CPA3: variants seen among roughly 807,000 people sequenced by gnomAD.
CPA3 encodes carboxypeptidase A3, also known as mast cell carboxypeptidase A.
Under a neutral mutation model 55.8 loss-of-function variants are expected in CPA3, and 52 were observed. The observed-to-expected ratio is 0.93, with a 90% CI of 0.75 to 1.17. The LOEUF (loss-of-function observed/expected upper bound fraction) is 1.17. CPA3 is among the 50% of genes most tolerant of loss of function. The pLI, the probability that CPA3 is intolerant of heterozygous loss-of-function variation, is 0.00. For synonymous variants in CPA3, 179 were observed against 171.2 expected (o/e 1.05, Z -0.36); for missense variants, 547 against 509.1 (o/e 1.07, Z -0.72).
chr3:148,880,024 C>T (rs562262546), intron 6 of CPA3, 135 bp downstream of exon 6: 8 of 574,122 alleles, frequency 1.4e-5, no homozygotes, highest in African/African-American at 5.7e-5. Context: ...AGGGAAGAAA[C>T]GCTCTGAATT....
chr3:148,894,158 T>A (rs1214302917), intron 10 of CPA3, among the ~76,000 whole-genome samples: 1 of 152,152 alleles, frequency 6.6e-6, no homozygotes, highest in African/African-American at 2.4e-5. Flanking sequence ...GAATCAAAAA[T>A]TGTAAGTCTG....
chr3:148,870,129 T>C (rs2108029138), intron 3 of CPA3: 1 of 152,180 alleles, frequency 6.6e-6, no homozygotes, highest in South Asian at 2.1e-4. Flanking sequence ...AAATGTGTTT[T>C]TATACTTTCA....
At chr3:148,866,971 G>T (rs1307235754) in intron 2 of CPA3, among the ~76,000 whole-genome samples, 1 of 152,060 alleles carries the variant, frequency 6.6e-6, no homozygotes, top group Non-Finnish European at 1.5e-5. Context: ...TGCCCAGCTG[G>T]TCTCAAACTC....
intron 7 of CPA3, 43 bp downstream of exon 7, chr3:148,881,675 C>T: frequency 1.5e-6 from 2 of 1,328,992 alleles, no homozygotes; most frequent in Non-Finnish European, 2.1e-6. Flanking sequence ...ATATTATTTG[C>T]TGGCTTTAAT....
At chr3:148,894,296 C>T (rs993900433) in intron 10 of CPA3, among the ~76,000 whole-genome samples, 6 of 151,926 alleles carry the variant, frequency 3.9e-5, no homozygotes, top group Non-Finnish European at 8.8e-5. Context: ...AATGTCAATA[C>T]CATTAGACTG....
At chr3:148,883,578 C>A (rs769218568) in intron 8 of CPA3, 35 bp from the exon 9 acceptor site, 1 of 1,528,344 alleles carries the variant, frequency 6.5e-7, no homozygotes, top group Non-Finnish European at 9.1e-7. Context: ...GGATGGGGAG[C>A]AGACTGTGGT....
chr3:148,865,629 G>A, intron 2 of CPA3, 81 bp downstream of exon 2: 1 of 1,242,140 alleles, frequency 8.1e-7, no homozygotes, highest in African/African-American at 1.5e-5. Flanking sequence ...CAATGCCCAT[G>A]GGACTACAAA....
In CPA3 at chr3:148,865,521, C is replaced by A; in HGVS notation, c.117C>A (p.Ile39=). The A allele has an allele frequency of 6.2e-7, 1 of 1,613,952 alleles. No homozygotes were observed. Among genetic ancestry groups the A allele is most frequent in the Middle Eastern group, 1.6e-4 (1 of 6,062 alleles). The stretch of plus-strand genomic sequence containing the variant: ...CCCAGGATGAAAAACAAGCAGACAT[C>A]ATAAAGGACTTGGCCAAAACCAATG... ...VKPQDEKQAD[I]IKDLAKTNEL... Residue 39 remains isoleucine, a synonymous_variant, in exon 2 of 11, where the codon ATC becomes ATA. Coordinates refer to ENST00000296046, the MANE Select transcript of CPA3 (RefSeq NM_001870.4).
intron 5 of CPA3, among the ~76,000 whole-genome samples, chr3:148,879,043 T>C (rs13061278): frequency 0.64 from 97,606 of 151,970 alleles, 31,595 homozygotes; most frequent in Middle Eastern, 0.69. Context: ...AAAACCCTCA[T>C]CCCTTAAAAT....
chr3:148,883,795 C>A lies in CPA3; in HGVS notation c.961C>A (p.Pro321Thr). The A allele has an allele frequency of 6.2e-7, 1 of 1,613,822 alleles. No individual in the cohort carries two copies. Among genetic ancestry groups the A allele is most frequent in the Non-Finnish European group, 8.5e-7 (1 of 1,179,730 alleles). The change falls in exon 9 of 11, where the codon CCA becomes ACA. Residue 321 changes from proline (P) to threonine (T), a missense_variant. Pro to Thr is a conservative substitution (Grantham distance 38). Coordinates refer to ENST00000296046, the MANE Select transcript of CPA3 (RefSeq NM_001870.4). ...LFPYGYTSKL[P>T]PNHEDLAKVA... Reference sequence around the variant, plus strand: ...TCCCTATGGATATACATCAAAACTGCCACCTAACCATGAGGACTTGGTACG... The same window carrying A: ...TCCCTATGGATATACATCAAAACTGACACCTAACCATGAGGACTTGGTACG...
chr3:148,878,712 A>G lies in CPA3; in HGVS notation c.438A>G (p.Gly146=), dbSNP rs777424403. 14 of 1,610,086 alleles carry G rather than the reference A, an allele frequency of 8.7e-6. No homozygotes were observed. In the African/African-American group the frequency reaches 1.5e-4, roughly 17 times the overall value. The change falls in exon 5 of 11, where the codon GGA becomes GGG. Residue 146 remains glycine (G), a synonymous_variant. Coordinates refer to ENST00000296046, the MANE Select transcript of CPA3 (RefSeq NM_001870.4). ...YPEMVSRIKI[G]STVEDNPLYV... is the part of the protein sequence containing the mutation. ...AAATGGTCTCTCGTATTAAAATTGGATCTACTGTTGAAGATAATCCACTAT... is the reference window on the plus strand; with the variant it reads ...AAATGGTCTCTCGTATTAAAATTGGGTCTACTGTTGAAGATAATCCACTAT...
chr3:148,880,796 A>G (rs1714341525), intron 6 of CPA3, among the ~76,000 whole-genome samples: 1 of 152,188 alleles, frequency 6.6e-6, no homozygotes, highest in South Asian at 2.1e-4. Context: ...TTCTGGGCAT[A>G]GATATTTTTC....
intron 10 of CPA3, among the ~76,000 whole-genome samples, chr3:148,890,931 G>C (rs1714647920): frequency 6.6e-6 from 1 of 152,144 alleles, no homozygotes; most frequent in Admixed American, 6.5e-5. Flanking sequence ...CTCAGAATAT[G>C]CTGTCAACAA....
Position 148,896,592 on chromosome 3 carries a change from G to C in CPA3, c.1139G>C (p.Arg380Pro). 3.8e-6 allele frequency: 6 copies of C among 1,587,466 alleles called. No individual in the cohort carries two copies. The highest frequency in any genetic ancestry group is 5.2e-6 in the Non-Finnish European group (6 of 1,159,928). The change falls in exon 11 of 11, where the codon CGA becomes CCA. Residue 380 changes from arginine to proline, a missense_variant. By Grantham distance (103) the Arg-to-Pro change is moderately radical. Transcript: ENST00000296046. ...GIKHTFAFELRDKGKFGFLLP... is the reference protein window; with the variant it reads ...GIKHTFAFELPDKGKFGFLLP... Reference sequence around the variant, plus strand: ...AAACACACATTTGCCTTTGAGCTCCGAGATAAAGGCAAATTTGGTTTTCTC... The same window carrying C: ...AAACACACATTTGCCTTTGAGCTCCCAGATAAAGGCAAATTTGGTTTTCTC...
At chr3:148,891,394 C>T (rs1186965173) in intron 10 of CPA3, among the ~76,000 whole-genome samples, 2 of 151,734 alleles carry the variant, frequency 1.3e-5, no homozygotes, top group Non-Finnish European at 2.9e-5. Context: ...GTGGAAGTAT[C>T]ACTTCAGCCT....
At chr3:148,885,690 G>A (rs1015089171) in intron 9 of CPA3, among the ~76,000 whole-genome samples, 3 of 152,132 alleles carry the variant, frequency 2.0e-5, no homozygotes, top group African/African-American at 4.8e-5. Flanking sequence ...GATTACAGGC[G>A]TGAGCCACCG....
chr3:148,878,286 T>C (rs1472308802), intron 3 of CPA3, among the ~76,000 whole-genome samples, 155 bp from the exon 4 acceptor site: 2 of 152,150 alleles, frequency 1.3e-5, no homozygotes, highest in Non-Finnish European at 2.9e-5. Flanking sequence ...ACACATGATA[T>C]GTCTAAAGGA....
intron 7 of CPA3, 62 bp downstream of exon 7, chr3:148,881,694 T>C: frequency 3.0e-6 from 3 of 1,012,224 alleles, no homozygotes; most frequent in African/African-American, 1.6e-5. Context: ...ATACACAATG[T>C]TATGCATTCA....
At chr3:148,884,518 T>C (rs1337913229) in intron 9 of CPA3, among the ~76,000 whole-genome samples, 1 of 152,186 alleles carries the variant, frequency 6.6e-6, no homozygotes, top group African/African-American at 2.4e-5. Flanking sequence ...GATCCCATGG[T>C]GATTGGCAAA....
Sources: allele counts gnomAD v4.1 joint callset (sites outside exome capture counted in the v4.1 genomes callset), GRCh38; gene constraint gnomAD v4.1.1; transcripts MANE v1.5; gene names NCBI Gene and HGNC (gene_info 2026-07-23, HGNC 2026-07-21).